The following CDK5R1 variants were observed in gnomAD, a reference collection of about 807,000 sequenced individuals.
The protein encoded by CDK5R1 is cyclin dependent kinase 5 regulatory subunit 1.
In CDK5R1, 1 loss-of-function variant was observed where a neutral mutation model predicts 19.0. The observed-to-expected ratio is 0.05, with a 90% CI of 0.02 to 0.25. The LOEUF (loss-of-function observed/expected upper bound fraction) is 0.25. Among genes scored for constraint, CDK5R1 ranks in the 10% least tolerant of loss-of-function variants. The pLI, the probability that CDK5R1 is intolerant of heterozygous loss-of-function variation, is 1.00. For synonymous variants in CDK5R1, 225 were observed against 187.7 expected (o/e 1.20, Z -1.62); for missense variants, 314 against 401.0 (o/e 0.78, Z 1.85).
chr17:32,487,521 C>G lies in CDK5R1; in HGVS notation c.-100C>G, dbSNP rs915839326. The G allele has an allele frequency of 6.5e-6, 6 of 922,528 alleles. No homozygotes were observed. In the African/African-American group the frequency reaches 6.7e-5, roughly 10 times the overall value. The allele number at this position is 922,528 out of a possible 1,614,324, so 57.1% of individuals were successfully genotyped here. A position where few individuals can be genotyped will look rare whatever the true frequency, so the allele number is the denominator to read the frequency against. ...CGCTTCCCGGGAGCGCCCCCGCCTC[C>G]TCTCCGGGGCCGCCGCAGGCTCGGT... On this transcript the variant is annotated 5_prime_UTR_variant, in exon 2 of 2. Transcript: ENST00000313401. The surrounding 1 kb of genome is among the most constrained non-coding windows in gnomAD (Gnocchi z 7.9).
chr17:32,488,864 G>A lies in CDK5R1; in HGVS notation c.*320G>A. ...TAGGCAAGGCTGCCGGCTGCACCCT[G>A]TATGGAGCTAGAGAGGGGCCTCTGG... On this transcript the variant is annotated 3_prime_UTR_variant, in exon 2 of 2. Coordinates refer to ENST00000313401, the MANE Select transcript of CDK5R1 (RefSeq NM_003885.3). 1 of 413,170 alleles carries A rather than the reference G, an allele frequency of 2.4e-6. No individual in the cohort carries two copies. The highest frequency in any genetic ancestry group is 4.7e-6 in the Non-Finnish European group (1 of 211,318). The allele number at this position is 413,170 out of a possible 1,614,324, so 25.6% of individuals were successfully genotyped here.
rs1908709443 is a variant in CDK5R1, at chr17:32,487,428, G to C, written c.-145-48G>C. On this transcript the variant is annotated intron_variant, in intron 1 of 1. Transcript: ENST00000313401. This position sits in a 1 kb window ranked among gnomAD's most constrained non-coding sequence, Gnocchi z 7.9. ...GGCGGAGGGGCGCAGGGGCGCAGGG[G>C]CGCGGCGCGGAGCCCAGCCTGGCGC... The C allele has an allele frequency of 2.1e-6, 1 of 469,274 alleles. No individual in the cohort carries two copies. The highest frequency in any genetic ancestry group is 3.7e-6 in the Non-Finnish European group (1 of 267,560). 29.1% of individuals were successfully genotyped at this position (469,274 alleles called of 1,614,324 possible). A position where few individuals can be genotyped will look rare whatever the true frequency, so the allele number is the denominator to read the frequency against.
In CDK5R1 at chr17:32,487,971, C is replaced by T. The variant is rs780127909; in HGVS notation, c.351C>T (p.Ser117=). Residue 117 remains serine (S), a synonymous_variant, in exon 2 of 2, where the codon TCC becomes TCT. Coordinates refer to ENST00000313401, the MANE Select transcript of CDK5R1 (RefSeq NM_003885.3). The surrounding 1 kb of genome is among the most constrained non-coding windows in gnomAD (Gnocchi z 7.9). ...CCCCGGCCAGCCAGCTCTCGGGTTC[C>T]CAGACCGGGGGCTCCTCCTCAGTCA... ...PAPPASQLSG[S]QTGGSSSVKK... is the part of the protein sequence containing the mutation. 5.0e-6 allele frequency: 8 copies of T among 1,613,248 alleles called. No homozygotes were observed. The East Asian group carries it at 1.8e-4, about 36-fold the overall frequency.
In CDK5R1 at chr17:32,487,912, T is replaced by G; in HGVS notation, c.292T>G (p.Phe98Val). The change falls in exon 2 of 2, where the codon TTC (phenylalanine) becomes GTC (valine). Residue 98 changes from phenylalanine to valine, a missense_variant. This residue lies in a region of CDK5R1 where 197 missense variants were observed against 230.2 expected (regional missense o/e 0.86). Transcript: ENST00000313401. This position sits in a 1 kb window ranked among gnomAD's most constrained non-coding sequence, Gnocchi z 7.9. ...GCTGTCGTGCGCCAACCTGTCCACATTCGCCCAGCCCCCACCGGCCCAGCC... is the reference window on the plus strand; with the variant it reads ...GCTGTCGTGCGCCAACCTGTCCACAGTCGCCCAGCCCCCACCGGCCCAGCC... The part of the protein sequence containing the change: ...KSLSCANLST[F>V]AQPPPAQPPA... The G allele has an allele frequency of 4.3e-6, 7 of 1,613,596 alleles. No individual in the cohort carries two copies. Among genetic ancestry groups the G allele is most frequent in the Non-Finnish European group, 5.9e-6 (7 of 1,179,980 alleles).
chr17:32,487,629 G>C lies in CDK5R1; in HGVS notation c.9G>C (p.Thr3=), dbSNP rs1171413607. The C allele has an allele frequency of 6.2e-7, 1 of 1,612,462 alleles. No individual in the cohort carries two copies. The highest frequency in any genetic ancestry group is 1.7e-5 in the Admixed American group (1 of 59,910). The change falls in exon 2 of 2, where the codon ACG becomes ACC. Residue 3 remains threonine (T), a synonymous_variant. Transcript: ENST00000313401. The surrounding 1 kb of genome is among the most constrained non-coding windows in gnomAD (Gnocchi z 7.9). ...CGGCGCGCAGCAGCACCATGGGCAC[G>C]GTGCTGTCCCTGTCTCCCAGCTACC... MG[T]VLSLSPSYRK... is the part of the protein sequence containing the mutation.
rs931780163 is a variant in CDK5R1 at position 32,490,418 on chromosome 17, C to G, written c.*1874C>G. ...GAACTGTGCAGTTACGTTGCATCCA[C>G]AGGATTCCAGTTGCGTGTCTGTTTC... On this transcript the variant is annotated 3_prime_UTR_variant, in exon 2 of 2. Coordinates refer to ENST00000313401, the MANE Select transcript of CDK5R1 (RefSeq NM_003885.3). 8.4e-5 allele frequency: 14 copies of G among 167,306 alleles called. No homozygotes were observed. Among genetic ancestry groups the G allele is most frequent in the African/African-American group, 3.4e-4 (14 of 41,592 alleles). The allele number at this position is 167,306 out of a possible 1,614,324, so 10.4% of individuals were successfully genotyped here. A position where few individuals can be genotyped will look rare whatever the true frequency, so the allele number is the denominator to read the frequency against.
rs1555618567 is a variant in CDK5R1 at position 32,487,015 on chromosome 17, C to CCGCCGCCGCCGCCGT, written c.-281_-267dup. 82 of 155,030 alleles carry CCGCCGCCGCCGCCGT rather than the reference C, an allele frequency of 5.3e-4. 1 individual carries two copies. The highest frequency in any genetic ancestry group is 1.9e-3 in the South Asian group (11 of 5,692). 9.6% of individuals were successfully genotyped at this position (155,030 alleles called of 1,614,324 possible). On this transcript the variant is annotated 5_prime_UTR_variant, in exon 1 of 2. Coordinates refer to ENST00000313401, the MANE Select transcript of CDK5R1 (RefSeq NM_003885.3). This position sits in a 1 kb window ranked among gnomAD's most constrained non-coding sequence, Gnocchi z 7.9. ...GACAGAAGCTCCCTAGCTGCCGCCGCCGCCGCCGCCGCCGTCGCCGCCGCC... is the reference window on the plus strand; with the variant it reads ...GACAGAAGCTCCCTAGCTGCCGCCGCCGCCGCCGCCGCCGTCGCCGCCGCCGCCGTCGCCGCCGCC...
Position 32,487,383 on chromosome 17 carries a change from CGGGGTGCGCCGAGGCGCGGGGCGGA to C in CDK5R1, c.-145-88_-145-64del. On this transcript the variant is annotated intron_variant, in intron 1 of 1. Transcript: ENST00000313401. This position sits in a 1 kb window ranked among gnomAD's most constrained non-coding sequence, Gnocchi z 7.9. ...CGGGTAGGGCCCGGGACTGGGGCGG[CGGGGTGCGCCGAGGCGCGGGGCGGA>C]GGGGCGCAGGGGCGCAGGGGCGCGG... The C allele has an allele frequency of 4.1e-6, 1 of 242,406 alleles. No individual in the cohort carries two copies. The highest frequency in any genetic ancestry group is 2.3e-5 in the African/African-American group (1 of 43,370). The allele number at this position is 242,406 out of a possible 1,614,324, so 15.0% of individuals were successfully genotyped here. A position where few individuals can be genotyped will look rare whatever the true frequency, so the allele number is the denominator to read the frequency against.
In CDK5R1 at chr17:32,488,284, C is replaced by T. The variant is rs1395817247; in HGVS notation, c.664C>T (p.Leu222Phe). 1 of 1,614,122 alleles carries T rather than the reference C, an allele frequency of 6.2e-7. No individual in the cohort carries two copies. The highest frequency in any genetic ancestry group is 8.5e-7 in the Non-Finnish European group (1 of 1,180,048). Residue 222 changes from leucine (L) to phenylalanine (F), a missense_variant, in exon 2 of 2, where the codon CTC (leucine) becomes TTC (phenylalanine). This residue lies in a region of CDK5R1 where 106 missense variants were observed against 132.1 expected (regional missense o/e 0.80). Coordinates refer to ENST00000313401, the MANE Select transcript of CDK5R1 (RefSeq NM_003885.3). ...ISSEVGSDHE[L>F]QAVLLTCLYL... ...CTCCGAGGTGGGCTCGGATCACGAG[C>T]TCCAGGCCGTCCTGCTGACATGCCT... is the stretch of plus-strand genomic sequence containing the variant.
rs1270165378 is a variant in CDK5R1 at position 32,487,134 on chromosome 17, C to T, written c.-174C>T. 6.8e-6 allele frequency: 1 copy of T among 146,524 alleles called. No individual in the cohort carries two copies. The highest frequency in any genetic ancestry group is 2.5e-5 in the African/African-American group (1 of 40,790). 9.1% of individuals were successfully genotyped at this position (146,524 alleles called of 1,614,324 possible). A position where few individuals can be genotyped will look rare whatever the true frequency, so the allele number is the denominator to read the frequency against. On this transcript the variant is annotated 5_prime_UTR_variant, in exon 1 of 2. Transcript: ENST00000313401. The surrounding 1 kb of genome is among the most constrained non-coding windows in gnomAD (Gnocchi z 7.9). ...GGGCCGCGGCGCGCATTGCGGAGGG[C>T]GCGGAGCGCAGGAGCTGCCGCCTGC... is the stretch of plus-strand genomic sequence containing the variant.
chr17:32,487,543 C>A lies in CDK5R1; in HGVS notation c.-78C>A. The A allele has an allele frequency of 8.3e-7, 1 of 1,206,420 alleles. No homozygotes were observed. Among genetic ancestry groups the A allele is most frequent in the Non-Finnish European group, 1.2e-6 (1 of 868,884 alleles). The allele number at this position is 1,206,420 out of a possible 1,614,324, so 74.7% of individuals were successfully genotyped here. A position where few individuals can be genotyped will look rare whatever the true frequency, so the allele number is the denominator to read the frequency against. The stretch of plus-strand genomic sequence containing the variant: ...CTCCTCTCCGGGGCCGCCGCAGGCT[C>A]GGTGAGCGGTTTTATCCCTCCGGCC... On this transcript the variant is annotated 5_prime_UTR_variant, in exon 2 of 2. Transcript: ENST00000313401. The surrounding 1 kb of genome is among the most constrained non-coding windows in gnomAD (Gnocchi z 7.9).
In CDK5R1 at chr17:32,488,502, C is replaced by G. The variant is rs373329761; in HGVS notation, c.882C>G (p.Gly294=). ...QVFSDLKNES[G]QEDKKRLLLG... ...TCTCCGACCTGAAGAACGAGAGCGG[C>G]CAGGAGGACAAGAAGCGGCTCCTCC... Residue 294 remains glycine (G), a synonymous_variant, in exon 2 of 2, where the codon GGC becomes GGG. Coordinates refer to ENST00000313401, the MANE Select transcript of CDK5R1 (RefSeq NM_003885.3). The G allele has an allele frequency of 1.9e-6, 3 of 1,614,066 alleles. No individual in the cohort carries two copies. The highest frequency in any genetic ancestry group is 2.5e-6 in the Non-Finnish European group (3 of 1,180,044).
chr17:32,487,485 AG>A lies in CDK5R1; in HGVS notation c.-131del. 1.6e-6 allele frequency: 1 copy of A among 621,068 alleles called. No individual in the cohort carries two copies. Among genetic ancestry groups the A allele is most frequent in the Non-Finnish European group, 2.7e-6 (1 of 365,220 alleles). 38.5% of individuals were successfully genotyped at this position (621,068 alleles called of 1,614,324 possible). On this transcript the variant is annotated 5_prime_UTR_variant, in exon 2 of 2. Transcript: ENST00000313401. The surrounding 1 kb of genome is among the most constrained non-coding windows in gnomAD (Gnocchi z 7.9). ...CCATCTTGTTTTCCAGGCAGATCCA[AG>A]GGGGCAGCACGCTTCCCGGGAGCGC...
Position 32,488,316 on chromosome 17 carries a change from C to T in CDK5R1, c.696C>T (p.Leu232=), listed in dbSNP as rs765126369. The change falls in exon 2 of 2, where the codon CTC becomes CTT. Residue 232 remains leucine (L), a synonymous_variant. Transcript: ENST00000313401. ...CCGTCCTGCTGACATGCCTGTACCTCTCCTACTCCTACATGGGCAACGAGA... is the reference window on the plus strand; with the variant it reads ...CCGTCCTGCTGACATGCCTGTACCTTTCCTACTCCTACATGGGCAACGAGA... ...LQAVLLTCLY[L]SYSYMGNEIS... is the part of the protein sequence containing the mutation. 3.7e-6 allele frequency: 6 copies of T among 1,614,028 alleles called. No individual in the cohort carries two copies. The Admixed American group carries it at 8.3e-5, about 22-fold the overall frequency.
chr17:32,487,380 C>T lies in CDK5R1; in HGVS notation c.-145-96C>T. On this transcript the variant is annotated intron_variant, in intron 1 of 1. Transcript: ENST00000313401. The surrounding 1 kb of genome is among the most constrained non-coding windows in gnomAD (Gnocchi z 7.9). ...GCGCGGGTAGGGCCCGGGACTGGGG[C>T]GGCGGGGTGCGCCGAGGCGCGGGGC... 1 of 232,170 alleles carries T rather than the reference C, an allele frequency of 4.3e-6. No homozygotes were observed. The highest frequency in any genetic ancestry group is 8.2e-6 in the Non-Finnish European group (1 of 121,840). 14.4% of individuals were successfully genotyped at this position (232,170 alleles called of 1,614,324 possible).
In CDK5R1 at chr17:32,489,788, T is replaced by TGGCTTGG. The variant is rs1908806637; in HGVS notation, c.*1246_*1252dup. On this transcript the variant is annotated 3_prime_UTR_variant, in exon 2 of 2. Transcript: ENST00000313401. ...TTTCTTTCTAATTCTCCCGCATTGGTGGCTTGGGACTTGGGAGAGGGAGCA... is the reference window on the plus strand; with the variant it reads ...TTTCTTTCTAATTCTCCCGCATTGGTGGCTTGGGGCTTGGGACTTGGGAGAGGGAGCA... 1 of 167,928 alleles carries TGGCTTGG rather than the reference T, an allele frequency of 6.0e-6. No homozygotes were observed. Among genetic ancestry groups the TGGCTTGG allele is most frequent in the African/African-American group, 2.4e-5 (1 of 41,462 alleles). 10.4% of individuals were successfully genotyped at this position (167,928 alleles called of 1,614,324 possible). A position where few individuals can be genotyped will look rare whatever the true frequency, so the allele number is the denominator to read the frequency against.
rs746549493 is a variant in CDK5R1, at chr17:32,488,259, C to T, written c.639C>T (p.Ser213=). ...FLYMLCRDVI[S]SEVGSDHELQ... ...ACATGCTCTGCAGGGATGTTATCTC[C>T]TCCGAGGTGGGCTCGGATCACGAGC... is the stretch of plus-strand genomic sequence containing the variant. The change falls in exon 2 of 2, where the codon TCC becomes TCT. Residue 213 remains serine, a synonymous_variant. Transcript: ENST00000313401. 10 of 1,614,082 alleles carry T rather than the reference C, an allele frequency of 6.2e-6. No individual in the cohort carries two copies. Among genetic ancestry groups the T allele is most frequent in the African/African-American group, 1.3e-5 (1 of 75,058 alleles).
Position 32,491,098 on chromosome 17 carries a change from T to C in CDK5R1, c.*2554T>C, listed in dbSNP as rs758940174. ...TATTGTTAATATTAATTTATATTTG[T>C]CTCATTTTGTATGTATGTGTAGTGT... On this transcript the variant is annotated 3_prime_UTR_variant, in exon 2 of 2. Coordinates refer to ENST00000313401, the MANE Select transcript of CDK5R1 (RefSeq NM_003885.3). 6.0e-6 allele frequency: 1 copy of C among 167,132 alleles called. No homozygotes were observed. The highest frequency in any genetic ancestry group is 1.5e-5 in the Non-Finnish European group (1 of 68,132). 10.4% of individuals were successfully genotyped at this position (167,132 alleles called of 1,614,324 possible). A position where few individuals can be genotyped will look rare whatever the true frequency, so the allele number is the denominator to read the frequency against.
chr17:32,488,613 G>C lies in CDK5R1; in HGVS notation c.*69G>C. ...AAGAATTTATTATTAAATCAGTTTT[G>C]TGTACAGTATGTGTCTAGCAAAGCC... On this transcript the variant is annotated 3_prime_UTR_variant, in exon 2 of 2. Transcript: ENST00000313401. 1.3e-6 allele frequency: 2 copies of C among 1,598,690 alleles called. No homozygotes were observed. Among genetic ancestry groups the C allele is most frequent in the Non-Finnish European group, 1.7e-6 (2 of 1,173,238 alleles).
Sources: allele counts gnomAD v4.1 joint callset, GRCh38; gene constraint gnomAD v4.1.1; regional missense constraint gnomAD v4.1.1; non-coding constraint Gnocchi (gnomAD v3.1); transcripts MANE v1.5; gene names NCBI Gene and HGNC (gene_info 2026-07-23, HGNC 2026-07-21).